NDUFAF2: variants seen among roughly 807,000 people sequenced by gnomAD.
NDUFAF2 encodes the protein NADH:ubiquinone oxidoreductase complex assembly factor 2, also known as NADH dehydrogenase [ubiquinone] 1 alpha subcomplex assembly factor 2.
Under a neutral mutation model 22.8 loss-of-function variants are expected in NDUFAF2, and 13 were observed. The ratio of observed to expected loss-of-function variants is 0.57; its 90% CI spans 0.37 to 0.91. NDUFAF2 has a LOEUF of 0.91. Ranked by LOEUF, NDUFAF2 falls within the 40% of genes least tolerant of loss-of-function variation. The pLI, the probability that NDUFAF2 is intolerant of heterozygous loss-of-function variation, is 0.01. For missense variants in NDUFAF2, 162 were observed against 195.2 expected, an observed-to-expected ratio of 0.83 and a Z score of 1.01; for synonymous variants, 53 against 64.2, an observed-to-expected ratio of 0.83 and a Z score of 0.84.
chr5:60,983,461 A>G (rs1751017439), intron 1 of NDUFAF2, among the ~76,000 whole-genome samples: 2 of 142,346 alleles, frequency 1.4e-5, no homozygotes, highest in South Asian at 4.8e-4. Flanking sequence ...TGTTTTAGAC[A>G]TGAAGTCCTT....
At chr5:61,135,823 A>G (rs1740919385) in intron 3 of NDUFAF2, among the ~76,000 whole-genome samples, 1 of 151,654 alleles carries the variant, frequency 6.6e-6, no homozygotes, top group South Asian at 2.1e-4. Context: ...CTAATAAATC[A>G]GTAGGATTGG....
At chr5:61,119,320 A>G (rs1561570917) in intron 3 of NDUFAF2, among the ~76,000 whole-genome samples, 1 of 152,206 alleles carries the variant, frequency 6.6e-6, no homozygotes, top group Non-Finnish European at 1.5e-5. Context: ...CTTCTTTTGT[A>G]CATACCAACC....
chr5:61,054,010 G>T (rs1384025170), intron 1 of NDUFAF2, among the ~76,000 whole-genome samples: 1 of 152,028 alleles, frequency 6.6e-6, no homozygotes, highest in Non-Finnish European at 1.5e-5. Flanking sequence ...AGACCAGTCT[G>T]GGCAACATCA....
chr5:61,115,715 A>G (rs1579838757), intron 3 of NDUFAF2: 1 of 152,192 alleles, frequency 6.6e-6, no homozygotes, highest in East Asian at 1.9e-4. Context: ...TGACAGCTAA[A>G]TGTAACATGT....
intron 3 of NDUFAF2, among the ~76,000 whole-genome samples, chr5:61,141,227 C>CA (rs11335251): frequency 6.1e-4 from 88 of 144,710 alleles, no homozygotes; most frequent in Middle Eastern, 3.7e-3. Flanking sequence ...AACTCCGTCT[C>CA]AAAAAAAAAA....
At chr5:60,958,108 G>A (rs2112566032) in intron 1 of NDUFAF2, among the ~76,000 whole-genome samples, 1 of 152,276 alleles carries the variant, frequency 6.6e-6, no homozygotes, top group East Asian at 1.9e-4. Context: ...TCACAGGCCA[G>A]TCAGCACTGC....
chr5:61,042,706 T>G (rs1751899150), intron 1 of NDUFAF2, among the ~76,000 whole-genome samples: 1 of 152,218 alleles, frequency 6.6e-6, no homozygotes, highest in Non-Finnish European at 1.5e-5. Flanking sequence ...GAATTCTGTT[T>G]TATGAAAAAT....
chr5:61,091,023 C>CT (rs1752561506), intron 2 of NDUFAF2, among the ~76,000 whole-genome samples: 1 of 152,076 alleles, frequency 6.6e-6, no homozygotes, highest in African/African-American at 2.4e-5. Flanking sequence ...TGATCTTGTT[C>CT]TTTTTTATGG....
chr5:60,946,797 T>G (rs1561524008), intron 1 of NDUFAF2, among the ~76,000 whole-genome samples: 1 of 152,236 alleles, frequency 6.6e-6, no homozygotes, highest in Admixed American at 6.5e-5. Flanking sequence ...AACTCCTTAG[T>G]AGTTCATTCC....
chr5:61,063,303 G>A (rs922712370), intron 1 of NDUFAF2, among the ~76,000 whole-genome samples: 1 of 151,156 alleles, frequency 6.6e-6, no homozygotes, highest in Non-Finnish European at 1.5e-5. Flanking sequence ...TTTGGGATCA[G>A]CCTGGATAAT....
intron 2 of NDUFAF2, among the ~76,000 whole-genome samples, chr5:61,092,900 T>C (rs532697578): frequency 6.6e-6 from 1 of 152,192 alleles, no homozygotes; most frequent in South Asian, 2.1e-4. Context: ...GATCACAAGG[T>C]GAAGTCCCAC....
intron 3 of NDUFAF2, among the ~76,000 whole-genome samples, chr5:61,126,779 A>C (rs776742341): frequency 1.3e-5 from 2 of 151,748 alleles, no homozygotes; most frequent in African/African-American, 4.8e-5. Context: ...CTCTGAATTT[A>C]AGAAGGAAAA....
At chr5:61,116,127 C>T (rs913650129) in intron 3 of NDUFAF2, 12 of 152,172 alleles carry the variant, frequency 7.9e-5, no homozygotes, top group Admixed American at 5.9e-4. Flanking sequence ...TTAGAAGATT[C>T]GTCTTTGCGG....
intron 1 of NDUFAF2, among the ~76,000 whole-genome samples, chr5:61,011,279 T>G (rs1751439597): frequency 6.6e-6 from 1 of 152,124 alleles, no homozygotes; most frequent in African/African-American, 2.4e-5. Flanking sequence ...AACTGTGTAC[T>G]CATGCCTCCA....
At chr5:60,982,275 A>G (rs914794411) in intron 1 of NDUFAF2, among the ~76,000 whole-genome samples, 1 of 152,148 alleles carries the variant, frequency 6.6e-6, no homozygotes, top group Non-Finnish European at 1.5e-5. Flanking sequence ...ACAGTTCCAC[A>G]TGGCTGCAGA....
chr5:61,055,087 C>T (rs942988345), intron 1 of NDUFAF2, among the ~76,000 whole-genome samples: 1 of 152,136 alleles, frequency 6.6e-6, no homozygotes, highest in Non-Finnish European at 1.5e-5. Context: ...TATATTAACT[C>T]TTAAGAAGAG....
At chr5:61,072,202 C>T (rs1752308276) in intron 1 of NDUFAF2, among the ~76,000 whole-genome samples, 1 of 152,196 alleles carries the variant, frequency 6.6e-6, no homozygotes, top group African/African-American at 2.4e-5. Flanking sequence ...CTAACAGTAA[C>T]ATACGAACTT....
intron 1 of NDUFAF2, among the ~76,000 whole-genome samples, chr5:60,993,035 G>C (rs2112586238): frequency 6.6e-6 from 1 of 152,322 alleles, no homozygotes; most frequent in East Asian, 1.9e-4. Flanking sequence ...CAGGCTACTG[G>C]TCTGGATCCC....
intron 1 of NDUFAF2, among the ~76,000 whole-genome samples, chr5:60,955,505 G>A (rs546639823): frequency 5.3e-5 from 8 of 152,132 alleles, no homozygotes; most frequent in Admixed American, 6.5e-5. Flanking sequence ...AGTGTGATGC[G>A]TCCAGATTTG....
Sources: gnomAD v4.1 joint callset for allele counts (sites outside exome capture counted in the v4.1 genomes callset) on GRCh38, gnomAD v4.1.1 for gene constraint, MANE v1.5 for transcripts, NCBI Gene and HGNC (gene_info 2026-07-23, HGNC 2026-07-21) for gene names.